Variants in KIAA1671 observed in about 807,000 individuals in gnomAD.
KIAA1671 encodes KIAA1671.
A neutral mutation model predicts 131.2 loss-of-function variants in KIAA1671; 52 were observed. That is an observed-to-expected ratio of 0.40 (90% CI 0.32 to 0.50). The LOEUF is 0.50. Ranked by LOEUF, KIAA1671 falls within the 20% of genes least tolerant of loss-of-function variation. The probability of loss-of-function intolerance (pLI) is 0.73; values close to 1 mark genes in which losing one functional copy is unlikely to be tolerated. For synonymous variants in KIAA1671, 1,003 were observed against 961.6 expected (o/e 1.04, Z -0.80); for missense variants, 2,360 against 2,364.2 (o/e 1.00, Z 0.04).
Position 25,038,778 on chromosome 22 carries a change from T to C in KIAA1671, c.1648T>C (p.Leu550=). The part of the protein sequence containing the change: ...PREKQKEGHS[L]DGACIPRSPW... ...TTTCCAGCAAAAGGAGGGGCACAGT[T>C]TGGATGGAGCATGCATCCCGAGAAG... The change falls in exon 5 of 13, where the codon TTG becomes CTG. Residue 550 remains leucine (L), a synonymous_variant. Transcript: ENST00000358431. 1 of 1,540,334 alleles carries C rather than the reference T, an allele frequency of 6.5e-7. No homozygotes were observed. Among genetic ancestry groups the C allele is most frequent in the East Asian group, 2.5e-5 (1 of 40,530 alleles).
chr22:25,031,933 G>T (rs997309158), intron 3 of KIAA1671, among the ~76,000 whole-genome samples: 11 of 152,176 alleles, frequency 7.2e-5, no homozygotes, highest in African/African-American at 2.7e-4. Context: ...CTTTTCTTCA[G>T]TCCCCAGCTT....
intron 7 of KIAA1671, among the ~76,000 whole-genome samples, 177 bp downstream of exon 7, chr22:25,171,115 A>G (rs1933832257): frequency 6.6e-6 from 1 of 152,122 alleles, no homozygotes; most frequent in South Asian, 2.1e-4. Flanking sequence ...AATAAAGATT[A>G]TGGGCCGGGT....
intron 12 of KIAA1671, 34 bp downstream of exon 12, chr22:25,190,818 A>G (rs1026771477): frequency 1.4e-6 from 2 of 1,439,598 alleles, no homozygotes; most frequent in Non-Finnish European, 1.9e-6. Flanking sequence ...ACCTGGGAAG[A>G]GCCCTGCAGT....
chr22:24,971,337 C>T (rs1922604834), intron 1 of KIAA1671, among the ~76,000 whole-genome samples: 1 of 152,208 alleles, frequency 6.6e-6, no homozygotes, highest in Admixed American at 6.5e-5. Flanking sequence ...AGTGGTTATT[C>T]CTATTTTTGC....
At position 25,192,765 on chromosome 22, in the gene KIAA1671, T is replaced by A. The variant is rs1934708597; in HGVS notation, c.*364T>A. 6.6e-6 allele frequency: 1 copy of A among 152,092 alleles called. No individual in the cohort carries two copies. The highest frequency in any genetic ancestry group is 6.5e-5 in the Admixed American group (1 of 15,268). The allele number at this position is 152,092 out of a possible 1,614,324, so 9.4% of individuals were successfully genotyped here. A position where few individuals can be genotyped will look rare whatever the true frequency, so the allele number is the denominator to read the frequency against. On this transcript the variant is annotated 3_prime_UTR_variant, in exon 13 of 13. Coordinates refer to ENST00000358431, the MANE Select transcript of KIAA1671 (RefSeq NM_001145206.2). ...ACATCAGTGTGAGGCTGGAATTGTC[T>A]CCCCAGGTTCTGAAAAACACCTGCA... is the stretch of plus-strand genomic sequence containing the variant.
intron 3 of KIAA1671, among the ~76,000 whole-genome samples, chr22:25,030,137 C>T (rs1402169428): frequency 1.3e-4 from 20 of 152,092 alleles, no homozygotes; most frequent in African/African-American, 4.1e-4. Context: ...TGGTTAATAC[C>T]GATGTTGTCA....
chr22:25,150,598 C>T (rs1222053841), intron 6 of KIAA1671, among the ~76,000 whole-genome samples: 2 of 152,132 alleles, frequency 1.3e-5, no homozygotes, highest in Non-Finnish European at 2.9e-5. Flanking sequence ...GACTCTACCT[C>T]TCGCTCTTCC....
intron 6 of KIAA1671, among the ~76,000 whole-genome samples, chr22:25,149,170 A>G (rs1932957869): frequency 6.6e-6 from 1 of 152,148 alleles, no homozygotes; most frequent in African/African-American, 2.4e-5. Context: ...GACTCTGGAC[A>G]TTGGAGCTGA....
At position 25,190,714 on chromosome 22, in the gene KIAA1671, C is replaced by G; in HGVS notation, c.5355C>G (p.Pro1785=). The change falls in exon 12 of 13, where the codon CCC becomes CCG. Residue 1785 remains proline, a synonymous_variant. Transcript: ENST00000358431. ...SMDKDERSDE[P]SPQWLKELKS... ...TTTGTGGTTTCAGGTCGGATGAACC[C>G]TCTCCCCAGTGGCTAAAGGAATTGA... 1 of 1,551,646 alleles carries G rather than the reference C, an allele frequency of 6.4e-7. No homozygotes were observed. The highest frequency in any genetic ancestry group is 8.7e-7 in the Non-Finnish European group (1 of 1,146,846).
chr22:25,187,776 G>A (rs1934527340), intron 11 of KIAA1671, among the ~76,000 whole-genome samples: 1 of 152,140 alleles, frequency 6.6e-6, no homozygotes, highest in African/African-American at 2.4e-5. Flanking sequence ...AGGATTACAG[G>A]CATGAGCTAC....
intron 1 of KIAA1671, among the ~76,000 whole-genome samples, chr22:24,984,524 A>G (rs1224272513): frequency 6.6e-6 from 1 of 152,202 alleles, no homozygotes; most frequent in East Asian, 1.9e-4. Context: ...TGCCCAGTCA[A>G]GAGACGGTTT....
chr22:24,998,626 G>A (rs1455896256), intron 1 of KIAA1671, among the ~76,000 whole-genome samples: 1 of 150,330 alleles, frequency 6.7e-6, no homozygotes, highest in African/African-American at 2.4e-5. Flanking sequence ...GCTGAGGCAG[G>A]AGAATGGCAT....
chr22:25,159,540 G>C (rs552591984), intron 6 of KIAA1671, among the ~76,000 whole-genome samples: 1 of 152,130 alleles, frequency 6.6e-6, no homozygotes, highest in Admixed American at 6.5e-5. Context: ...TTGTTAAAAC[G>C]ATGTGTTTGG....
chr22:25,172,356 T>C (rs1457184473), intron 7 of KIAA1671, among the ~76,000 whole-genome samples: 2 of 152,180 alleles, frequency 1.3e-5, no homozygotes, highest in African/African-American at 4.8e-5. Context: ...CCCAGGAGCA[T>C]GGCACACCCA....
intron 1 of KIAA1671, among the ~76,000 whole-genome samples, chr22:24,968,270 T>A: frequency 6.6e-6 from 1 of 152,180 alleles, no homozygotes; most frequent in Non-Finnish European, 1.5e-5. Context: ...GAATGCTGGC[T>A]GACCTAGCAG....
At chr22:25,031,487 C>G (rs1415283637) in intron 3 of KIAA1671, among the ~76,000 whole-genome samples, 1 of 152,140 alleles carries the variant, frequency 6.6e-6, no homozygotes, top group Non-Finnish European at 1.5e-5. Flanking sequence ...TGAGCCACCA[C>G]GCCCGGCCTA....
At chr22:25,002,157 G>A (rs975962708) in intron 1 of KIAA1671, among the ~76,000 whole-genome samples, 1 of 152,068 alleles carries the variant, frequency 6.6e-6, no homozygotes, top group African/African-American at 2.4e-5. Flanking sequence ...CTTAGCATTT[G>A]TCATGGAGGT....
chr22:25,139,901 T>C (rs763478964), intron 6 of KIAA1671, among the ~76,000 whole-genome samples: 8 of 152,210 alleles, frequency 5.3e-5, no homozygotes, highest in Non-Finnish European at 8.8e-5. Flanking sequence ...CTTGGCTTAC[T>C]TTAGAAAGCA....
intron 6 of KIAA1671, chr22:25,052,815 C>G (rs1379853209): frequency 5.9e-5 from 9 of 152,186 alleles, no homozygotes; most frequent in Non-Finnish European, 1.0e-4. Flanking sequence ...CTCCCGGGTT[C>G]AAGTGATTCT....
Sources: gnomAD v4.1 joint callset for allele counts (sites outside exome capture counted in the v4.1 genomes callset) on GRCh38, gnomAD v4.1.1 for gene constraint, MANE v1.5 for transcripts, NCBI Gene and HGNC (gene_info 2026-07-23, HGNC 2026-07-21) for gene names.